The following KCTD16 variants were observed in gnomAD, a reference collection of about 807,000 sequenced individuals.
The protein encoded by KCTD16 is potassium channel tetramerization domain containing 16.
Under a neutral mutation model 33.2 loss-of-function variants are expected in KCTD16, and 13 were observed. That is an observed-to-expected ratio of 0.39 (90% CI 0.25 to 0.62). The LOEUF (loss-of-function observed/expected upper bound fraction) is 0.62, where lower values mean the gene tolerates loss of function less well. Among genes scored for constraint, KCTD16 ranks in the 20% least tolerant of loss-of-function variants. KCTD16 has a pLI of 0.50. For missense variants in KCTD16, 441 were observed against 525.1 expected (o/e 0.84, Z 1.57); for synonymous variants, 197 against 195.3 (o/e 1.01, Z -0.07).
intron 3 of KCTD16, among the ~76,000 whole-genome samples, chr5:144,266,017 A>T (rs1171622287): frequency 6.6e-6 from 1 of 152,164 alleles, no homozygotes; most frequent in African/African-American, 2.4e-5. Context: ...TGGTCAGAGG[A>T]TATTAACATT....
intron 3 of KCTD16, among the ~76,000 whole-genome samples, chr5:144,318,858 T>C (rs1751998275): frequency 6.6e-6 from 1 of 152,208 alleles, no homozygotes; most frequent in South Asian, 2.1e-4. Flanking sequence ...TTGCTACATA[T>C]TTATTTTATT....
At chr5:144,364,554 C>T (rs2126919133) in intron 3 of KCTD16, among the ~76,000 whole-genome samples, 1 of 152,298 alleles carries the variant, frequency 6.6e-6, no homozygotes, top group Non-Finnish European at 1.5e-5. Flanking sequence ...TAATGTGTAA[C>T]TACATAGTCA....
chr5:144,395,877 G>A (rs1368255682), intron 3 of KCTD16, among the ~76,000 whole-genome samples: 4 of 152,204 alleles, frequency 2.6e-5, no homozygotes, highest in Admixed American at 1.3e-4. Context: ...GTGTTGGCAA[G>A]CTCTGGCCCA....
chr5:144,318,252 G>A (rs1580868818), intron 3 of KCTD16, among the ~76,000 whole-genome samples: 1 of 152,058 alleles, frequency 6.6e-6, no homozygotes, highest in Non-Finnish European at 1.5e-5. Context: ...TTGCAGCTTG[G>A]GACTAAGAGG....
At chr5:144,383,143 G>A (rs1254138160) in intron 3 of KCTD16, 2 of 152,168 alleles carry the variant, frequency 1.3e-5, no homozygotes, top group Non-Finnish European at 2.9e-5. Context: ...TCACAGGTAA[G>A]TTTGAAAAGA....
At chr5:144,281,321 A>G (rs920773271) in intron 3 of KCTD16, among the ~76,000 whole-genome samples, 7 of 152,242 alleles carry the variant, frequency 4.6e-5, no homozygotes, top group Non-Finnish European at 1.0e-4. Flanking sequence ...GTTCTAATGT[A>G]AGCATTAAAT....
chr5:144,331,567 G>T (rs1314521099), intron 3 of KCTD16, among the ~76,000 whole-genome samples: 3 of 152,170 alleles, frequency 2.0e-5, no homozygotes, highest in Non-Finnish European at 4.4e-5. Context: ...TACCCTAGAT[G>T]TGAAGCATAG....
At chr5:144,238,748 T>A (rs1754320932) in intron 3 of KCTD16, among the ~76,000 whole-genome samples, 1 of 152,190 alleles carries the variant, frequency 6.6e-6, no homozygotes, top group Non-Finnish European at 1.5e-5. Context: ...TTTGCATTTA[T>A]CCAAAACAAC....
At chr5:144,467,504 G>C (rs1019772924) in intron 3 of KCTD16, among the ~76,000 whole-genome samples, 13 of 152,174 alleles carry the variant, frequency 8.5e-5, no homozygotes, top group Admixed American at 6.5e-4. Flanking sequence ...TTGCAGTCTA[G>C]TGTGGAAAGC....
intron 1 of KCTD16, among the ~76,000 whole-genome samples, chr5:144,172,923 A>C (rs978095303): frequency 2.6e-5 from 4 of 152,198 alleles, no homozygotes; most frequent in Non-Finnish European, 2.9e-5. Flanking sequence ...ATCAAAAAGG[A>C]TATCCCTTTC....
intron 3 of KCTD16, among the ~76,000 whole-genome samples, chr5:144,406,140 A>G (rs1189225158): frequency 6.6e-6 from 1 of 152,228 alleles, no homozygotes; most frequent in Non-Finnish European, 1.5e-5. Context: ...ACTTATTTAG[A>G]TAACCAGGAA....
intron 3 of KCTD16, among the ~76,000 whole-genome samples, chr5:144,319,661 A>T (rs1752022470): frequency 6.6e-6 from 1 of 152,180 alleles, no homozygotes; most frequent in Non-Finnish European, 1.5e-5. Flanking sequence ...TGTTGTAAGA[A>T]TGTTATGTCA....
At chr5:144,469,249 T>C (rs976813968) in intron 3 of KCTD16, among the ~76,000 whole-genome samples, 5 of 152,308 alleles carry the variant, frequency 3.3e-5, no homozygotes, top group East Asian at 1.9e-4. Flanking sequence ...CTCCTTTTTT[T>C]CCAAAAACAT....
At chr5:144,313,345 T>C (rs1258244174) in intron 3 of KCTD16, among the ~76,000 whole-genome samples, 2 of 152,170 alleles carry the variant, frequency 1.3e-5, no homozygotes, top group African/African-American at 4.8e-5. Flanking sequence ...CCAGCTTCAG[T>C]TTTCTGCCAA....
At chr5:144,397,645 T>C (rs948042036) in intron 3 of KCTD16, among the ~76,000 whole-genome samples, 6 of 152,164 alleles carry the variant, frequency 3.9e-5, no homozygotes, top group African/African-American at 1.4e-4. Flanking sequence ...TGGTATCTCA[T>C]TGTGGTTTTA....
At chr5:144,202,872 T>C (rs1252170412) in intron 2 of KCTD16, among the ~76,000 whole-genome samples, 5 of 152,138 alleles carry the variant, frequency 3.3e-5, no homozygotes, top group Admixed American at 1.3e-4. Context: ...ATTCTCAGAG[T>C]GTGTCTCTGT....
At chr5:144,254,601 C>T (rs1380024431) in intron 3 of KCTD16, among the ~76,000 whole-genome samples, 3 of 152,076 alleles carry the variant, frequency 2.0e-5, no homozygotes, top group Non-Finnish European at 4.4e-5. Flanking sequence ...TAATGTTGTG[C>T]ATACAATCTC....
At chr5:144,320,194 A>G (rs1752036384) in intron 3 of KCTD16, among the ~76,000 whole-genome samples, 1 of 152,180 alleles carries the variant, frequency 6.6e-6, no homozygotes, top group African/African-American at 2.4e-5. Flanking sequence ...AATTTCCTGC[A>G]ATTATAATCT....
chr5:144,240,534 G>A (rs1754374689), intron 3 of KCTD16, among the ~76,000 whole-genome samples: 1 of 152,102 alleles, frequency 6.6e-6, no homozygotes, highest in Non-Finnish European at 1.5e-5. Context: ...AAACTGAGAA[G>A]TTAAATCTCA....
Sources: gnomAD v4.1 joint callset for allele counts (sites outside exome capture counted in the v4.1 genomes callset) on GRCh38, gnomAD v4.1.1 for gene constraint, MANE v1.5 for transcripts, NCBI Gene and HGNC (gene_info 2026-07-23, HGNC 2026-07-21) for gene names.